The following SVIL variants were observed in gnomAD, a reference collection of about 807,000 sequenced individuals.
SVIL encodes the protein archvillin.
A neutral mutation model predicts 240.4 loss-of-function variants in SVIL; 101 were observed. That is an observed-to-expected ratio of 0.42 (90% CI 0.36 to 0.50). The LOEUF is 0.50. Ranked by LOEUF, SVIL falls within the 20% of genes least tolerant of loss-of-function variation. SVIL has a pLI of 0.01. For missense variants in SVIL, 2,512 were observed against 2,818.7 expected (o/e 0.89, Z 2.46); for synonymous variants, 999 against 1,100.0 (o/e 0.91, Z 1.82).
chr10:29,524,938 C>T (rs750092956), intron 13 of SVIL, among the ~76,000 whole-genome samples: 10 of 151,912 alleles, frequency 6.6e-5, no homozygotes, highest in South Asian at 2.1e-4. Flanking sequence ...CTTTGAGCTC[C>T]GAATTATTTC....
chr10:29,603,974 A>G (rs1164555595), intron 1 of SVIL, among the ~76,000 whole-genome samples: 2 of 152,212 alleles, frequency 1.3e-5, no homozygotes, highest in Non-Finnish European at 2.9e-5. Context: ...GAATAAAGTT[A>G]AAAAGTGGCA....
At chr10:29,477,541 A>G (rs1331879814) in intron 29 of SVIL, among the ~76,000 whole-genome samples, 2 of 152,180 alleles carry the variant, frequency 1.3e-5, no homozygotes, top group Non-Finnish European at 2.9e-5. Context: ...CCTCTCCCAG[A>G]AGTGCACCCT....
At chr10:29,498,664 T>C (rs1210732345) in intron 18 of SVIL, among the ~76,000 whole-genome samples, 2 of 152,102 alleles carry the variant, frequency 1.3e-5, no homozygotes, top group African/African-American at 4.8e-5. Context: ...AAAACATTTA[T>C]AGAATGTCAG....
Position 29,489,019 on chromosome 10 carries a change from G to A in SVIL, c.4193-263C>T, listed in dbSNP as rs182571845. On this transcript the variant is annotated intron_variant, in intron 22 of 37. Transcript: ENST00000355867. ...AGAGGGACAAGAACTGAGTGATGAC[G>A]TGGACCAGCTACTTTAGTACAAAAC... Among the ~76,000 whole-genome samples, 113 of 152,336 alleles carry A rather than the reference G, an allele frequency of 7.4e-4. 1 individual carries two copies. The highest frequency in any genetic ancestry group is 2.5e-3 in the African/African-American group (106 of 41,584).
At chr10:29,532,403 C>T in intron 8 of SVIL, 126 bp downstream of exon 8, 1 of 1,432,004 alleles carries the variant, frequency 7.0e-7, no homozygotes, top group Non-Finnish European at 9.2e-7. Flanking sequence ...CGCATAGTCG[C>T]CCTGCACGCA....
intron 5 of SVIL, among the ~76,000 whole-genome samples, chr10:29,553,942 C>T (rs991870284): frequency 1.3e-5 from 2 of 152,048 alleles, no homozygotes; most frequent in Admixed American, 1.3e-4. Flanking sequence ...CTTGAGAGGC[C>T]CCTATCTTAG....
chr10:29,509,320 GGAGGGGGAGGGAGAGAGA>G (rs1231229020), intron 17 of SVIL, among the ~76,000 whole-genome samples: 86 of 86,924 alleles, frequency 9.9e-4, no homozygotes, highest in Middle Eastern at 7.4e-3. Context: ...AAAGGGAGAA[GGAGGGGGAGGGAGAGAGA>G]GAGAGAGAGA....
chr10:29,705,304 A>G (rs1962809049), intron 1 of SVIL, among the ~76,000 whole-genome samples: 1 of 152,156 alleles, frequency 6.6e-6, no homozygotes, highest in Non-Finnish European at 1.5e-5. Context: ...TCCACATTCT[A>G]ATTCCTGGAA....
intron 31 of SVIL, 122 bp from the exon 32 acceptor site, chr10:29,470,605 G>A (rs1217898063): frequency 9.4e-7 from 1 of 1,069,064 alleles, no homozygotes; most frequent in African/African-American, 1.6e-5. Flanking sequence ...CAGGGACTTA[G>A]GGGACTGGAG....
At chr10:29,576,924 A>G (rs922648176) in intron 1 of SVIL, among the ~76,000 whole-genome samples, 3 of 152,116 alleles carry the variant, frequency 2.0e-5, no homozygotes, top group Admixed American at 6.5e-5. Flanking sequence ...CTCTGTCACC[A>G]GGCTGGAATG....
chr10:29,646,417 G>A (rs188688077), intron 3 of SVIL, among the ~76,000 whole-genome samples: 203 of 152,096 alleles, frequency 1.3e-3, no homozygotes, highest in African/African-American at 4.8e-3. Flanking sequence ...TCACAAATCC[G>A]CTGCCCAGGG....
rs1008883725 is a variant in SVIL, at chr10:29,463,781, G to A, written c.6134-146C>T. On this transcript the variant is annotated intron_variant, in intron 34 of 37. Transcript: ENST00000355867. ...CCTTGGCCATCAAACCAGGGGCAAA[G>A]GGGCAAACAGAGAAACCCAGGATAC... 9.6e-6 allele frequency: 11 copies of A among 1,150,288 alleles called. No homozygotes were observed. The Admixed American group carries it at 1.2e-4, about 12-fold the overall frequency. The allele number at this position is 1,150,288 out of a possible 1,614,324, so 71.3% of individuals were successfully genotyped here. A position where few individuals can be genotyped will look rare whatever the true frequency, so the allele number is the denominator to read the frequency against.
At chr10:29,696,809 C>T (rs1962072434) in intron 1 of SVIL, among the ~76,000 whole-genome samples, 1 of 151,060 alleles carries the variant, frequency 6.6e-6, no homozygotes, top group South Asian at 2.1e-4. Flanking sequence ...CCACCCCGTC[C>T]GGGAGGGAGG....
chr10:29,704,378 T>C (rs979065843), intron 1 of SVIL, among the ~76,000 whole-genome samples: 2 of 152,210 alleles, frequency 1.3e-5, no homozygotes, highest in Admixed American at 1.3e-4. Context: ...GAAATGTTTA[T>C]ACCATGTCTC....
At chr10:29,581,553 C>T (rs4749462) in intron 1 of SVIL, among the ~76,000 whole-genome samples, 22,447 of 152,190 alleles carry the variant, frequency 0.15, 1,724 homozygotes, top group Admixed American at 0.23. Context: ...TTTTCTTTAT[C>T]GGATGTGTTG....
intron 1 of SVIL, among the ~76,000 whole-genome samples, chr10:29,586,329 T>C (rs1956165512): frequency 6.6e-6 from 1 of 152,194 alleles, no homozygotes; most frequent in African/African-American, 2.4e-5. Context: ...TACATATTTA[T>C]GGGGTACGGA....
intron 1 of SVIL, among the ~76,000 whole-genome samples, chr10:29,616,884 G>A (rs994579273): frequency 6.6e-6 from 1 of 152,144 alleles, no homozygotes; most frequent in African/African-American, 2.4e-5. Flanking sequence ...CACGAAGCAT[G>A]GCTAATTTTT....
At chr10:29,469,885 A>G (rs1010675324) in intron 32 of SVIL, among the ~76,000 whole-genome samples, 5 of 152,194 alleles carry the variant, frequency 3.3e-5, no homozygotes, top group African/African-American at 1.2e-4. Context: ...TAGCTTTTTA[A>G]CACTCTGCTG....
chr10:29,463,396 G>A (rs540648694), intron 35 of SVIL, 96 bp downstream of exon 35: 953 of 1,442,548 alleles, frequency 6.6e-4, no homozygotes, highest in Middle Eastern at 1.5e-3. Context: ...GATGCTGGCT[G>A]ACATGCACAG....
Sources: allele counts gnomAD v4.1 joint callset (sites outside exome capture counted in the v4.1 genomes callset), GRCh38; gene constraint gnomAD v4.1.1; transcripts MANE v1.5; gene names NCBI Gene and HGNC (gene_info 2026-07-23, HGNC 2026-07-21).